MUC4: variants seen among roughly 807,000 people sequenced by gnomAD.
MUC4 encodes the protein mucin 4, cell surface associated.
In MUC4, 202 loss-of-function variants were observed where a neutral mutation model predicts 257.9. The ratio of observed to expected loss-of-function variants is 0.78; its 90% CI spans 0.70 to 0.88. MUC4 has a LOEUF of 0.88. Ranked by LOEUF, MUC4 falls within the 40% of genes least tolerant of loss-of-function variation. The probability of loss-of-function intolerance (pLI) is 0.00; values close to 1 mark genes in which losing one functional copy is unlikely to be tolerated. For synonymous variants in MUC4, 2,351 were observed against 2,757.1 expected (o/e 0.85, Z 4.62); for missense variants, 5,976 against 6,513.7 (o/e 0.92, Z 2.84).
Position 195,786,327 on chromosome 3 carries a change from G to A in MUC4, c.5253C>T (p.Ser1751=), listed in dbSNP as rs760583455. The A allele has an allele frequency of 1.6e-5, 24 of 1,526,972 alleles. 2 individuals carry two copies. In the South Asian group the frequency reaches 2.8e-4, roughly 18 times the overall value. The allele number at this position is 1,526,972 out of a possible 1,614,324, so 94.6% of individuals were successfully genotyped here. The change falls in exon 2 of 25, where the codon TCC becomes TCT. Residue 1751 remains serine (S), a synonymous_variant. Transcript: ENST00000463781. ...GGGTGGCCTGACCTGTGGATGCTGAGGAAGCGTCAGTGACAAGAAGAGGGC... is the reference window on the plus strand; with the variant it reads ...GGGTGGCCTGACCTGTGGATGCTGAAGAAGCGTCAGTGACAAGAAGAGGGC... ...HASPLLVTDA[S]SASTGQATPL... is the part of the protein sequence containing the mutation.
intron 5 of MUC4, chr3:195,770,775 A>G: frequency 4.5e-6 from 2 of 444,472 alleles, no homozygotes; most frequent in Non-Finnish European, 9.1e-6. Flanking sequence ...CACGGTCCAC[A>G]CTTCCTGCAG....
chr3:195,747,230 A>T lies in MUC4; in HGVS notation c.16185T>A (p.Gly5395=). ...AATAGGAGAACCTGGCCCCGGAGCA[A>T]CCCCAGAAGCGCAGGACCACGAACG... ...VGTFVVLRFW[G]CSGARFSYFL... is the part of the protein sequence containing the mutation. Residue 5395 remains glycine, a synonymous_variant, in exon 25 of 25, where the codon GGT becomes GGA. Coordinates refer to ENST00000463781, the MANE Select transcript of MUC4 (RefSeq NM_018406.7). The T allele has an allele frequency of 6.2e-7, 1 of 1,614,226 alleles. No homozygotes were observed. The highest frequency in any genetic ancestry group is 8.5e-7 in the Non-Finnish European group (1 of 1,180,040).
At position 195,753,503 on chromosome 3, in the gene MUC4, AG is replaced by A. The variant is rs555953435; in HGVS notation, c.15329-274del. On this transcript the variant is annotated intron_variant, in intron 19 of 24. Coordinates refer to ENST00000463781, the MANE Select transcript of MUC4 (RefSeq NM_018406.7). ...AAAGGACCCCGAAGGCTGGCAGAGGAGGGGCCCCCAGCTGGCTTTCCTCACG... is the reference window on the plus strand; with the variant it reads ...AAAGGACCCCGAAGGCTGGCAGAGGAGGGCCCCCAGCTGGCTTTCCTCACG... 2.3e-4 allele frequency: 114 copies of A among 505,642 alleles called. 1 individual carries two copies. The South Asian group carries it at 2.5e-3, about 11-fold the overall frequency. 31.3% of individuals were successfully genotyped at this position (505,642 alleles called of 1,614,324 possible). A position where few individuals can be genotyped will look rare whatever the true frequency, so the allele number is the denominator to read the frequency against.
At chr3:195,774,857 G>A (rs1417402162) in intron 3 of MUC4, among the ~76,000 whole-genome samples, 1 of 141,864 alleles carries the variant, frequency 7.0e-6, no homozygotes, top group Non-Finnish European at 1.5e-5. Context: ...CTGAGATCGC[G>A]CCACTGCACT....
chr3:195,763,430 C>T lies in MUC4; in HGVS notation c.14253+3G>A. On this transcript the variant is annotated splice_donor_region_variant and intron_variant, in intron 12 of 24. Coordinates refer to ENST00000463781, the MANE Select transcript of MUC4 (RefSeq NM_018406.7). Reference sequence around the variant, plus strand: ...AGGGAGGTTCCCGGCACCCCTCACTCACCGTGACGGGGCCCAGGCTGCTGG... The same window carrying T: ...AGGGAGGTTCCCGGCACCCCTCACTTACCGTGACGGGGCCCAGGCTGCTGG... The T allele has an allele frequency of 1.4e-6, 2 of 1,407,626 alleles. No individual in the cohort carries two copies. Among genetic ancestry groups the T allele is most frequent in the Non-Finnish European group, 1.9e-6 (2 of 1,076,890 alleles). The allele number at this position is 1,407,626 out of a possible 1,614,324, so 87.2% of individuals were successfully genotyped here.
At chr3:195,804,603 C>CT (rs1188704590) in intron 1 of MUC4, among the ~76,000 whole-genome samples, 30 of 152,362 alleles carry the variant, frequency 2.0e-4, no homozygotes, top group Non-Finnish European at 3.5e-4. Flanking sequence ...CAGTGTTTCA[C>CT]TTTCCTGGAG....
Position 195,789,951 on chromosome 3 carries a change from T to C in MUC4, c.1629A>G (p.Gly543=), listed in dbSNP as rs1395006660. 6.2e-7 allele frequency: 1 copy of C among 1,613,986 alleles called. No individual in the cohort carries two copies. Among genetic ancestry groups the C allele is most frequent in the Non-Finnish European group, 8.5e-7 (1 of 1,179,874 alleles). The change falls in exon 2 of 25, where the codon GGA becomes GGG. Residue 543 remains glycine, a synonymous_variant. Coordinates refer to ENST00000463781, the MANE Select transcript of MUC4 (RefSeq NM_018406.7). Reference sequence around the variant, plus strand: ...TGTGGGAGGAGTATGTGGTGGGCTCTCCTGGTTCCCCTATTGCTGAGACCT... The same window carrying C: ...TGTGGGAGGAGTATGTGGTGGGCTCCCCTGGTTCCCCTATTGCTGAGACCT... ...PSKVSAIGEP[G]EPTTYSSHST... is the part of the protein sequence containing the mutation.
Position 195,782,021 on chromosome 3 carries a change from C to A in MUC4, c.9559G>T (p.Val3187Phe), listed in dbSNP as rs1412449176. ...VSTGDTTPLP[V>F]TSPSSASTGH... ...GTGGATGCTGAGGAAGGGCTAGTGACAGGAAGAGGCGTGGTGTCACCTGTG... is the reference window on the plus strand; with the variant it reads ...GTGGATGCTGAGGAAGGGCTAGTGAAAGGAAGAGGCGTGGTGTCACCTGTG... Residue 3187 changes from valine to phenylalanine, a missense_variant, in exon 2 of 25, where the codon GTC becomes TTC. By Grantham distance (50) the Val-to-Phe change is conservative. Coordinates refer to ENST00000463781, the MANE Select transcript of MUC4 (RefSeq NM_018406.7). The A allele has an allele frequency of 6.6e-7, 1 of 1,507,858 alleles. No homozygotes were observed. The highest frequency in any genetic ancestry group is 2.1e-5 in the Admixed American group (1 of 48,656). The allele number at this position is 1,507,858 out of a possible 1,614,324, so 93.4% of individuals were successfully genotyped here. A position where few individuals can be genotyped will look rare whatever the true frequency, so the allele number is the denominator to read the frequency against.
At chr3:195,756,766 G>A (rs1011126106) in intron 18 of MUC4, among the ~76,000 whole-genome samples, 11 of 151,852 alleles carry the variant, frequency 7.2e-5, no homozygotes, top group South Asian at 2.1e-4. Context: ...GGGTGCAAGC[G>A]ATTTTCCTGC....
At chr3:195,803,391 G>A (rs550848773) in intron 1 of MUC4, among the ~76,000 whole-genome samples, 2 of 152,272 alleles carry the variant, frequency 1.3e-5, no homozygotes, top group South Asian at 2.1e-4. Context: ...ATAAATTCAC[G>A]TTCTTCCTAC....
chr3:195,808,455 C>T (rs986387427), intron 1 of MUC4, among the ~76,000 whole-genome samples: 2 of 152,138 alleles, frequency 1.3e-5, no homozygotes, highest in South Asian at 4.1e-4. Context: ...ATCCACCCGC[C>T]TGGGCCTCCA....
At chr3:195,748,732 G>A (rs1194525231) in intron 24 of MUC4, among the ~76,000 whole-genome samples, 170 bp downstream of exon 24, 1 of 152,250 alleles carries the variant, frequency 6.6e-6, no homozygotes, top group African/African-American at 2.4e-5. Context: ...GTAATATAGC[G>A]CCTTTATTCT....
intron 1 of MUC4, among the ~76,000 whole-genome samples, chr3:195,805,377 C>T (rs1295272860): frequency 6.6e-6 from 1 of 152,092 alleles, no homozygotes; most frequent in African/African-American, 2.4e-5. Flanking sequence ...CACAGCACGC[C>T]GGCCAGCTCA....
Position 195,811,080 on chromosome 3 carries a change from C to T in MUC4, c.82+656G>A, listed in dbSNP as rs146881580. ...CTGTCTTTCCCCTCAGATCTTGTCC[C>T]GTATCTGCCAGTTCATGCCTCCTCT... On this transcript the variant is annotated intron_variant, in intron 1 of 24. Coordinates refer to ENST00000463781, the MANE Select transcript of MUC4 (RefSeq NM_018406.7). 2.0e-3 allele frequency among the ~76,000 whole-genome samples: 308 copies of T among 152,054 alleles called. 1 individual carries two copies. The highest frequency in any genetic ancestry group is 6.1e-3 in the African/African-American group (251 of 41,480).
intron 4 of MUC4, 49 bp downstream of exon 4, chr3:195,774,123 G>A (rs747342916): frequency 2.6e-6 from 4 of 1,550,338 alleles, no homozygotes; most frequent in East Asian, 4.9e-5. Flanking sequence ...GCAGGAGAGA[G>A]AAGTGGGCCC....
chr3:195,792,126 A>C (rs1733937259), intron 1 of MUC4, among the ~76,000 whole-genome samples: 1 of 152,196 alleles, frequency 6.6e-6, no homozygotes, highest in South Asian at 2.1e-4. Context: ...CAAAAGCTAA[A>C]ATTGACAAAT....
intron 1 of MUC4, among the ~76,000 whole-genome samples, chr3:195,799,437 A>G (rs1345596495): frequency 6.6e-6 from 1 of 152,134 alleles, no homozygotes; most frequent in Non-Finnish European, 1.5e-5. Flanking sequence ...AGTAGCTGGG[A>G]TTACAGGCAT....
Position 195,781,066 on chromosome 3 carries a change from A to C in MUC4, c.10514T>G (p.Leu3505Arg). 1.3e-6 allele frequency: 2 copies of C among 1,495,922 alleles called. 1 individual carries two copies. Among genetic ancestry groups the C allele is most frequent in the African/African-American group, 3.2e-5 (2 of 62,734 alleles). 92.7% of individuals were successfully genotyped at this position (1,495,922 alleles called of 1,614,324 possible). A position where few individuals can be genotyped will look rare whatever the true frequency, so the allele number is the denominator to read the frequency against. Residue 3505 changes from leucine to arginine, a missense_variant, in exon 2 of 25, where the codon CTT (leucine) becomes CGT (arginine). Around this residue, in one of 44 missense-constraint regions of MUC4, gnomAD observed 297 missense variants for 240.9 expected, o/e 1.23. Coordinates refer to ENST00000463781, the MANE Select transcript of MUC4 (RefSeq NM_018406.7). ...TGCTGAGGAAGCGCCGGTGACAGGAAGAGTGCTGGTGTCACCTGTGGATGC... is the reference window on the plus strand; with the variant it reads ...TGCTGAGGAAGCGCCGGTGACAGGACGAGTGCTGGTGTCACCTGTGGATGC... ...SSASTGDTST[L>R]PVTGASSAST...
At chr3:195,775,904 C>T (rs1254079419) in intron 3 of MUC4, among the ~76,000 whole-genome samples, 11 of 80,548 alleles carry the variant, frequency 1.4e-4, no homozygotes, top group African/African-American at 5.3e-4. Context: ...ACCTTCCACA[C>T]CCATACCTTC....
Sources: allele counts gnomAD v4.1 joint callset (sites outside exome capture counted in the v4.1 genomes callset), GRCh38; gene constraint gnomAD v4.1.1; regional missense constraint gnomAD v4.1.1; transcripts MANE v1.5; gene names NCBI Gene and HGNC (gene_info 2026-07-23, HGNC 2026-07-21).